The following RRP1 variants were observed in gnomAD, a reference collection of about 807,000 sequenced individuals.
RRP1 encodes ribosomal RNA processing 1.
A neutral mutation model predicts 54.6 loss-of-function variants in RRP1; 37 were observed. The ratio of observed to expected loss-of-function variants is 0.68; its 90% confidence interval spans 0.52 to 0.89. The LOEUF is 0.89. Among genes scored for constraint, RRP1 ranks in the 40% least tolerant of loss-of-function variants. RRP1 has a pLI of 0.00. For synonymous variants in RRP1, 262 were observed against 244.3 expected (o/e 1.07, Z -0.67); for missense variants, 639 against 612.5 (o/e 1.04, Z -0.46).
At chr21:43,798,340 G>A (rs1268475875) in intron 8 of RRP1, among the ~76,000 whole-genome samples, 2 of 152,076 alleles carry the variant, frequency 1.3e-5, no homozygotes, top group African/African-American at 4.8e-5. Flanking sequence ...GGGCTCCTCG[G>A]TCTAACGCAT....
At chr21:43,800,226 A>G (rs1649306000) in intron 9 of RRP1, among the ~76,000 whole-genome samples, 2 of 152,240 alleles carry the variant, frequency 1.3e-5, no homozygotes, top group South Asian at 4.1e-4. Flanking sequence ...GTAAAGCTGC[A>G]GGCAGGCTAC....
At chr21:43,795,668 C>G (rs1013619682) in intron 5 of RRP1, among the ~76,000 whole-genome samples, 5 of 152,218 alleles carry the variant, frequency 3.3e-5, no homozygotes, top group Admixed American at 2.6e-4. Context: ...CCTGCCTCAG[C>G]CGCCCAACTG....
chr21:43,792,668 A>C lies in RRP1; in HGVS notation c.217-4A>C. 1.2e-6 allele frequency: 2 copies of C among 1,614,152 alleles called. No individual in the cohort carries two copies. Among genetic ancestry groups the C allele is most frequent in the Non-Finnish European group, 8.5e-7 (1 of 1,180,012 alleles). On this transcript the variant is annotated splice_region_variant and splice_polypyrimidine_tract_variant and intron_variant, in intron 2 of 12. Transcript: ENST00000497547. ...TGAGGGCGTTTTTGTTGTTTCCTAC[A>C]CAGGAAGAATTAGGAAGGACTATTT... is the stretch of plus-strand genomic sequence containing the variant.
intron 2 of RRP1, 104 bp downstream of exon 2, chr21:43,791,536 C>T (rs979900102): frequency 2.1e-5 from 22 of 1,054,406 alleles, no homozygotes; most frequent in Non-Finnish European, 3.1e-5. Flanking sequence ...GAGTTTCGCT[C>T]TTGTTGCCCA....
In RRP1 at chr21:43,792,721, C is replaced by T. The variant is rs531306920; in HGVS notation, c.266C>T (p.Thr89Met). 2.4e-5 allele frequency: 38 copies of T among 1,614,088 alleles called. No homozygotes were observed. The highest frequency in any genetic ancestry group is 2.0e-4 in the South Asian group (18 of 91,084). Residue 89 changes from threonine (T) to methionine (M), a missense_variant, in exon 3 of 13, where the codon ACG (threonine) becomes ATG (methionine). Transcript: ENST00000497547. ...ISQLVHAFQT[T>M]EAQHLFLQAF... is the part of the protein sequence containing the mutation. ...CAGCTCGTTCATGCTTTTCAGACCA[C>T]GGAGGCGCGTGAGTATGCTCTGCTG...
At chr21:43,800,003 G>C (rs951839404) in intron 9 of RRP1, among the ~76,000 whole-genome samples, 2 of 152,246 alleles carry the variant, frequency 1.3e-5, no homozygotes, top group Admixed American at 1.3e-4. Flanking sequence ...GTGCTGGTGG[G>C]GAATGAGATG....
At position 43,798,026 on chromosome 21, in the gene RRP1, A is replaced by G. The variant is rs371358839; in HGVS notation, c.737A>G (p.Asp246Gly). The G allele has an allele frequency of 2.1e-5, 34 of 1,614,170 alleles. No homozygotes were observed. The African/African-American group carries it at 4.3e-4, about 20-fold the overall frequency. The change falls in exon 8 of 13, where the codon GAC becomes GGC. Residue 246 changes from aspartate to glycine, a missense_variant. Physicochemically the swap from Asp to Gly is moderately conservative, Grantham distance 94. Coordinates refer to ENST00000497547, the MANE Select transcript of RRP1 (RefSeq NM_003683.6). ...ACACAGGATGAGGAGGTGGCGTCGG[A>G]CAGTGATGAGTCCTCTGAGGGTGGT... ...LDTQDEEVAS[D>G]SDESSEGGER...
At chr21:43,798,251 A>G in intron 8 of RRP1, 151 bp downstream of exon 8, 2 of 673,152 alleles carry the variant, frequency 3.0e-6, no homozygotes, top group Non-Finnish European at 4.9e-6. Context: ...AGCCAGAGTG[A>G]CTTCTGTGGG....
chr21:43,793,937 TCTCCTTCC>T (rs1006488264), intron 4 of RRP1, among the ~76,000 whole-genome samples: 1 of 152,236 alleles, frequency 6.6e-6, no homozygotes, highest in East Asian at 1.9e-4. Flanking sequence ...GACCTGCTTC[TCTCCTTCC>T]CTCCTTCCCT....
intron 8 of RRP1, among the ~76,000 whole-genome samples, chr21:43,798,599 T>C (rs898429896): frequency 1.3e-5 from 2 of 152,204 alleles, no homozygotes; most frequent in Admixed American, 6.5e-5. Flanking sequence ...ATATTGACCA[T>C]GACTGGGTTC....
Position 43,793,416 on chromosome 21 carries a change from A to G in RRP1, c.360+12A>G, listed in dbSNP as rs1359707349. The G allele has an allele frequency of 1.2e-6, 2 of 1,609,912 alleles. No individual in the cohort carries two copies. Among genetic ancestry groups the G allele is most frequent in the South Asian group, 2.2e-5 (2 of 91,060 alleles). ...ATAAATTCTACATGGTGAGGCAGCCACCAGGGTGCCGGCGGGCGGGGGCAG... is the reference window on the plus strand; with the variant it reads ...ATAAATTCTACATGGTGAGGCAGCCGCCAGGGTGCCGGCGGGCGGGGGCAG... On this transcript the variant is annotated intron_variant, in intron 4 of 12. Coordinates refer to ENST00000497547, the MANE Select transcript of RRP1 (RefSeq NM_003683.6).
At chr21:43,793,856 T>C (rs760259155) in intron 4 of RRP1, among the ~76,000 whole-genome samples, 22 of 152,184 alleles carry the variant, frequency 1.4e-4, no homozygotes, top group Non-Finnish European at 2.8e-4. Context: ...TGTATCCCCG[T>C]TCAGGGCACT....
intron 5 of RRP1, among the ~76,000 whole-genome samples, chr21:43,795,469 G>C (rs1443228973): frequency 2.0e-5 from 3 of 152,224 alleles, no homozygotes; most frequent in Non-Finnish European, 2.9e-5. Flanking sequence ...TTCTCACTGG[G>C]AGTCAGAAGG....
chr21:43,796,955 C>G lies in RRP1; in HGVS notation c.423-467C>G, dbSNP rs572392545. On this transcript the variant is annotated intron_variant, in intron 5 of 12. Coordinates refer to ENST00000497547, the MANE Select transcript of RRP1 (RefSeq NM_003683.6). ...CAGGGCCCAGGAAGCCAGCAGGTGG[C>G]TCATGGTCCTCGGCCCCTTTCTGGG... is the stretch of plus-strand genomic sequence containing the variant. Among the ~76,000 whole-genome samples the G allele has an allele frequency of 1.2e-4, 19 of 152,292 alleles. No homozygotes were observed. The East Asian group carries it at 2.1e-3, about 17-fold the overall frequency.
chr21:43,792,753 G>A (rs189672762), intron 3 of RRP1, 24 bp downstream of exon 3: 1 of 1,613,148 alleles, frequency 6.2e-7, no homozygotes, highest in East Asian at 2.2e-5. Flanking sequence ...GCTGTAGTTG[G>A]GTGCATTTGT....
intron 11 of RRP1, among the ~76,000 whole-genome samples, chr21:43,801,543 A>G (rs2085091314): frequency 1.3e-5 from 2 of 152,118 alleles, no homozygotes; most frequent in Admixed American, 1.3e-4. Flanking sequence ...GGTGTGATGC[A>G]GCTCACTGCA....
At chr21:43,791,266 C>A in intron 1 of RRP1, 84 bp from the exon 2 acceptor site, 1 of 1,412,096 alleles carries the variant, frequency 7.1e-7, no homozygotes, top group Non-Finnish European at 1.0e-6. Flanking sequence ...TGGTCTCATT[C>A]AGGCAGTCAC....
At chr21:43,796,858 G>A (rs2085023579) in intron 5 of RRP1, among the ~76,000 whole-genome samples, 1 of 152,194 alleles carries the variant, frequency 6.6e-6, no homozygotes, top group South Asian at 2.1e-4. Flanking sequence ...CAGATCCAGG[G>A]CCTGTGATGC....
chr21:43,795,058 T>C, intron 4 of RRP1, 131 bp from the exon 5 acceptor site: 1 of 829,010 alleles, frequency 1.2e-6, no homozygotes, highest in Non-Finnish European at 2.0e-6. Context: ...GGGGGCCGGC[T>C]GTGTGCTGGG....
Sources: allele counts gnomAD v4.1 joint callset (sites outside exome capture counted in the v4.1 genomes callset), GRCh38; gene constraint gnomAD v4.1.1; transcripts MANE v1.5; gene names NCBI Gene and HGNC (gene_info 2026-07-23, HGNC 2026-07-21).